The following SH3GL2 variants were observed in gnomAD, a reference collection of about 807,000 sequenced individuals.
SH3GL2 encodes the protein endophilin-A1.
In SH3GL2, 24 loss-of-function variants were observed where a neutral mutation model predicts 46.0. The observed-to-expected ratio is 0.52, with a 90% CI of 0.38 to 0.73. The LOEUF is 0.73. SH3GL2 is among the 30% of genes least tolerant of loss of function. The probability of loss-of-function intolerance (pLI) is 0.00; values close to 1 mark genes in which losing one functional copy is unlikely to be tolerated. For missense variants in SH3GL2, 413 were observed against 424.2 expected (o/e 0.97, Z 0.23); for synonymous variants, 196 against 147.1 (o/e 1.33, Z -2.40).
intron 5 of SH3GL2, among the ~76,000 whole-genome samples, 194 bp downstream of exon 5, chr9:17,787,707 C>T (rs1303201520): frequency 7.2e-5 from 11 of 152,100 alleles, no homozygotes; most frequent in Non-Finnish European, 1.5e-4. Context: ...ATGACTGTGC[C>T]ACTCATGAGG....
chr9:17,595,321 A>G (rs756763134), intron 1 of SH3GL2, among the ~76,000 whole-genome samples: 7 of 152,258 alleles, frequency 4.6e-5, no homozygotes, highest in Non-Finnish European at 7.3e-5. Flanking sequence ...TATGAAAGGC[A>G]GTATTTGAAA....
intron 3 of SH3GL2, 182 bp downstream of exon 3, chr9:17,761,691 A>G: frequency 3.0e-6 from 2 of 656,422 alleles, no homozygotes; most frequent in South Asian, 1.7e-5. Context: ...TTTAAAGCTC[A>G]CATTGAAGTA....
intron 3 of SH3GL2, among the ~76,000 whole-genome samples, chr9:17,762,123 A>G (rs757227376): frequency 3.3e-5 from 5 of 151,410 alleles, no homozygotes; most frequent in Admixed American, 1.3e-4. Context: ...CACTAGGTAT[A>G]GCAAAGCAAA....
rs567642653 is a variant in SH3GL2, at chr9:17,785,291, A to G, written c.188-1090A>G. ...TTACTTCACTCTAATTAATTTTAAA[A>G]TAGACTCTACCCTCAGTTCATTATA... On this transcript the variant is annotated intron_variant, in intron 3 of 8. Coordinates refer to ENST00000380607, the MANE Select transcript of SH3GL2 (RefSeq NM_003026.5). Among the ~76,000 whole-genome samples, 11 of 152,312 alleles carry G rather than the reference A, an allele frequency of 7.2e-5. 1 individual carries two copies. The South Asian group carries it at 1.7e-3, about 23-fold the overall frequency.
chr9:17,582,202 TA>T (rs1818290409), intron 1 of SH3GL2, among the ~76,000 whole-genome samples: 1 of 152,086 alleles, frequency 6.6e-6, no homozygotes, highest in African/African-American at 2.4e-5. Context: ...AATTTGGAGG[TA>T]AAAAAATGCT....
intron 1 of SH3GL2, among the ~76,000 whole-genome samples, chr9:17,684,931 G>C (rs1323797460): frequency 6.6e-6 from 1 of 152,074 alleles, no homozygotes; most frequent in African/African-American, 2.4e-5. Flanking sequence ...TAAGGCTCTG[G>C]TCTCAACCAC....
chr9:17,664,564 TAAG>T (rs1280711016), intron 1 of SH3GL2, among the ~76,000 whole-genome samples: 2 of 152,068 alleles, frequency 1.3e-5, no homozygotes, highest in African/African-American at 4.8e-5. Flanking sequence ...CATTACATAT[TAAG>T]AAATTCATAT....
At chr9:17,720,150 TC>T (rs1821858703) in intron 1 of SH3GL2, among the ~76,000 whole-genome samples, 1 of 152,072 alleles carries the variant, frequency 6.6e-6, no homozygotes, top group Non-Finnish European at 1.5e-5. Flanking sequence ...ACATCCCCTC[TC>T]CCAAATAAAT....
At chr9:17,595,494 TAAAAC>T (rs1036854631) in intron 1 of SH3GL2, among the ~76,000 whole-genome samples, 1 of 152,186 alleles carries the variant, frequency 6.6e-6, no homozygotes, top group African/African-American at 2.4e-5. Context: ...TGTAAACTGT[TAAAAC>T]ACTTCTGGAG....
intron 1 of SH3GL2, among the ~76,000 whole-genome samples, chr9:17,741,066 T>A (rs1349341923): frequency 6.6e-6 from 1 of 152,162 alleles, no homozygotes; most frequent in African/African-American, 2.4e-5. Flanking sequence ...ATAAATAAAT[T>A]ATTTTATGGA....
At chr9:17,656,845 A>C (rs760721503) in intron 1 of SH3GL2, among the ~76,000 whole-genome samples, 1 of 151,172 alleles carries the variant, frequency 6.6e-6, no homozygotes, top group Non-Finnish European at 1.5e-5. Flanking sequence ...TGATTACTTG[A>C]CACGTTAAAG....
intron 1 of SH3GL2, among the ~76,000 whole-genome samples, chr9:17,710,535 G>A (rs1563822245): frequency 6.6e-6 from 1 of 151,874 alleles, no homozygotes; most frequent in East Asian, 1.9e-4. Context: ...TATGATGCAG[G>A]AATTCTACTT....
At chr9:17,597,136 G>C (rs1011325251) in intron 1 of SH3GL2, among the ~76,000 whole-genome samples, 6 of 152,208 alleles carry the variant, frequency 3.9e-5, no homozygotes, top group African/African-American at 7.2e-5. Context: ...TTCTTGTGTA[G>C]TAATCTGCTG....
At chr9:17,610,321 T>C (rs1818837070) in intron 1 of SH3GL2, among the ~76,000 whole-genome samples, 1 of 152,228 alleles carries the variant, frequency 6.6e-6, no homozygotes, top group African/African-American at 2.4e-5. Context: ...TGTGTGTTAG[T>C]GTAGGGCTCA....
At chr9:17,677,544 A>T (rs1042709871) in intron 1 of SH3GL2, among the ~76,000 whole-genome samples, 3 of 151,838 alleles carry the variant, frequency 2.0e-5, no homozygotes, top group African/African-American at 7.3e-5. Flanking sequence ...TTTTAAACTC[A>T]TGTTTTCACT....
rs150980276 is a variant in SH3GL2, at chr9:17,740,315, A to C, written c.46-6751A>C. Among the ~76,000 whole-genome samples the C allele has an allele frequency of 6.6e-5, 10 of 152,256 alleles. No homozygotes were observed. The East Asian group carries it at 1.7e-3, about 26-fold the overall frequency. ...GCTGAGAAAGACTGCTGTGAGACATATACTGCGTAAAGTGAATCCACCCTG... is the reference window on the plus strand; with the variant it reads ...GCTGAGAAAGACTGCTGTGAGACATCTACTGCGTAAAGTGAATCCACCCTG... On this transcript the variant is annotated intron_variant, in intron 1 of 8. Transcript: ENST00000380607.
At position 17,672,634 on chromosome 9, in the gene SH3GL2, C is replaced by G. The variant is rs567062932; in HGVS notation, c.46-74432C>G. Among the ~76,000 whole-genome samples, 10 of 152,198 alleles carry G rather than the reference C, an allele frequency of 6.6e-5. No individual in the cohort carries two copies. In the South Asian group the frequency reaches 2.1e-3, roughly 32 times the overall value. On this transcript the variant is annotated intron_variant, in intron 1 of 8. Transcript: ENST00000380607. ...TTTCTCTCCCTCTTTCTGGGAGCCA[C>G]CCACCCCCTTCACCCAATACAGAGG...
intron 1 of SH3GL2, among the ~76,000 whole-genome samples, chr9:17,621,726 A>C (rs941332130): frequency 6.6e-6 from 1 of 152,190 alleles, no homozygotes; most frequent in Non-Finnish European, 1.5e-5. Context: ...CAGTGTGCAC[A>C]TTACCTGCCT....
chr9:17,692,778 G>C lies in SH3GL2; in HGVS notation c.46-54288G>C, dbSNP rs149762511. ...GCTGATAAAGACATGCTTGAAACTA[G>C]GAACAAAGAGAGGTTTAATTGGACT... On this transcript the variant is annotated intron_variant, in intron 1 of 8. Transcript: ENST00000380607. Among the ~76,000 whole-genome samples the C allele has an allele frequency of 9.7e-4, 147 of 152,260 alleles. No homozygotes were observed. The East Asian group carries it at 0.026, about 27-fold the overall frequency.
Sources: gnomAD v4.1 joint callset for allele counts (sites outside exome capture counted in the v4.1 genomes callset) on GRCh38, gnomAD v4.1.1 for gene constraint, MANE v1.5 for transcripts, NCBI Gene and HGNC (gene_info 2026-07-23, HGNC 2026-07-21) for gene names.